Variants in CACNA2D1 observed in about 807,000 individuals in gnomAD.
CACNA2D1 encodes calcium voltage-gated channel auxiliary subunit alpha2delta 1.
CACNA2D1 carries 53 observed loss-of-function variants against 171.5 expected under a neutral mutation model. That is an observed-to-expected ratio of 0.31 (90% CI 0.25 to 0.39). The LOEUF (loss-of-function observed/expected upper bound fraction) is 0.39, where lower values mean the gene tolerates loss of function less well. Ranked by LOEUF, CACNA2D1 falls within the 10% of genes least tolerant of loss-of-function variation. The probability of loss-of-function intolerance (pLI) is 1.00; values close to 1 mark genes in which losing one functional copy is unlikely to be tolerated. For synonymous variants in CACNA2D1, 442 were observed against 443.1 expected (o/e 1.00, Z 0.03); for missense variants, 903 against 1,299.8 (o/e 0.69, Z 4.69).
In CACNA2D1 at chr7:82,125,946, T is replaced by C. The variant is rs567159064; in HGVS notation, c.397-8773A>G. Reference sequence around the variant, plus strand: ...CATTCAGATACACAAACACGCTCCATTTGATGCTAAGATCACTTCCACTTA... The same window carrying C: ...CATTCAGATACACAAACACGCTCCACTTGATGCTAAGATCACTTCCACTTA... On this transcript the variant is annotated intron_variant, in intron 5 of 38. Coordinates refer to ENST00000356860, the MANE Select transcript of CACNA2D1 (RefSeq NM_000722.4). Among the ~76,000 whole-genome samples, 118 of 152,304 alleles carry C rather than the reference T, an allele frequency of 7.7e-4. 1 individual carries two copies. Among genetic ancestry groups the C allele is most frequent in the African/African-American group, 2.7e-3 (114 of 41,562 alleles).
At chr7:82,288,422 TACAC>T (rs3054677) in intron 3 of CACNA2D1, among the ~76,000 whole-genome samples, 14,444 of 146,974 alleles carry the variant, frequency 0.098, 967 homozygotes, top group African/African-American at 0.2. Flanking sequence ...TTTGCTTCTA[TACAC>T]ACACACACAC....
chr7:82,117,214 T>G (rs759811238), intron 5 of CACNA2D1, 41 bp from the exon 6 acceptor site: 136 of 1,596,112 alleles, frequency 8.5e-5, no homozygotes, highest in Non-Finnish European at 1.1e-4. Flanking sequence ...CAATTTTTGC[T>G]AACATAAATA....
intron 3 of CACNA2D1, among the ~76,000 whole-genome samples, chr7:82,172,734 G>A (rs75713915): frequency 0.065 from 9,207 of 140,698 alleles, 606 homozygotes; most frequent in African/African-American, 0.17. Flanking sequence ...CATCCTGCCC[G>A]GCCAAAGACA....
chr7:82,160,077 TG>T (rs1794790126), intron 4 of CACNA2D1, among the ~76,000 whole-genome samples: 1 of 151,712 alleles, frequency 6.6e-6, no homozygotes, highest in Non-Finnish European at 1.5e-5. Flanking sequence ...CGGAAACCAG[TG>T]GGAAAAAAAT....
At chr7:82,443,317 C>A in intron 1 of CACNA2D1, 48 bp downstream of exon 1, 2 of 1,560,726 alleles carry the variant, frequency 1.3e-6, no homozygotes, top group Non-Finnish European at 1.7e-6. Context: ...ACCCCCAACT[C>A]CCGCGGCGCC....
intron 9 of CACNA2D1, among the ~76,000 whole-genome samples, chr7:82,061,908 C>T (rs182806204): frequency 6.6e-6 from 1 of 152,176 alleles, no homozygotes; most frequent in East Asian, 1.9e-4. Context: ...GCTAGAAATG[C>T]AAAAGCCTGA....
Position 82,326,097 on chromosome 7 carries a change from G to A in CACNA2D1, c.294+9038C>T, listed in dbSNP as rs112412899. ...ACCCTAAGCTTCTGGGAGAGGTTCC[G>A]GTCACCCAACACTCTGAACTGGGAT... On this transcript the variant is annotated intron_variant, in intron 3 of 38. Transcript: ENST00000356860. 6.6e-3 allele frequency among the ~76,000 whole-genome samples: 1,011 copies of A among 152,158 alleles called. 13 individuals carry two copies. Among genetic ancestry groups the A allele is most frequent in the South Asian group, 0.053 (255 of 4,810 alleles).
chr7:82,437,991 A>G (rs1214531322), intron 1 of CACNA2D1, among the ~76,000 whole-genome samples: 1 of 152,208 alleles, frequency 6.6e-6, no homozygotes, highest in African/African-American at 2.4e-5. Context: ...AGGTGCCAAC[A>G]TTTCAAATGG....
intron 10 of CACNA2D1, among the ~76,000 whole-genome samples, chr7:82,046,341 A>G (rs1804554302): frequency 6.6e-6 from 1 of 152,196 alleles, no homozygotes; most frequent in South Asian, 2.1e-4. Flanking sequence ...AAATATCTTC[A>G]CTAATGACAC....
rs528479402 is a variant in CACNA2D1, at chr7:82,373,466, A to T, written c.96-23817T>A. ...CAACCTTTATAATTCATTTTTAAGA[A>T]CTTAATTTTCTGTGCTGTCAATTCC... On this transcript the variant is annotated intron_variant, in intron 1 of 38. Transcript: ENST00000356860. 2.0e-5 allele frequency among the ~76,000 whole-genome samples: 3 copies of T among 152,284 alleles called. No homozygotes were observed. In the South Asian group the frequency reaches 6.2e-4, roughly 32 times the overall value.
chr7:82,166,327 C>T (rs1288999534), intron 4 of CACNA2D1, among the ~76,000 whole-genome samples: 1 of 151,958 alleles, frequency 6.6e-6, no homozygotes, highest in East Asian at 1.9e-4. Flanking sequence ...GAAGCTGAAG[C>T]TAAAAGGGAC....
rs1170588976 is a variant in CACNA2D1 at position 81,970,820 on chromosome 7, G to A, written c.2142-83C>T. ...TTAGGTGTTGGTGATACAAAGAGAA[G>A]TAAGTTTAGGAAGTAAAGGAAATAT... On this transcript the variant is annotated intron_variant, in intron 26 of 38. Transcript: ENST00000356860. The A allele has an allele frequency of 4.9e-6, 4 of 810,484 alleles. No homozygotes were observed. The African/African-American group carries it at 5.0e-5, about 10-fold the overall frequency. The allele number at this position is 810,484 out of a possible 1,614,324, so 50.2% of individuals were successfully genotyped here.
At chr7:82,338,224 C>G (rs1053463390) in intron 2 of CACNA2D1, among the ~76,000 whole-genome samples, 1 of 151,930 alleles carries the variant, frequency 6.6e-6, no homozygotes, top group African/African-American at 2.4e-5. Flanking sequence ...AACAAAATTC[C>G]TAAAGAAACC....
intron 1 of CACNA2D1, among the ~76,000 whole-genome samples, chr7:82,366,909 T>TTTTTTTTTTTTTTTTTTTTG (rs1821799825): frequency 7.3e-6 from 1 of 137,924 alleles, no homozygotes; most frequent in Non-Finnish European, 1.6e-5. Flanking sequence ...TGACCTTTTT[T>TTTTTTTTTTTTTTTTTTTTG]TTTTTTTTTT....
intron 6 of CACNA2D1, among the ~76,000 whole-genome samples, chr7:82,099,913 C>A (rs982024351): frequency 1.1e-4 from 16 of 152,130 alleles, no homozygotes; most frequent in African/African-American, 3.9e-4. Context: ...GGGAGGGGAA[C>A]AACACACACT....
chr7:82,217,390 C>CACATATATATAT (rs1402573092), intron 3 of CACNA2D1, among the ~76,000 whole-genome samples: 1 of 54,448 alleles, frequency 1.8e-5, no homozygotes, highest in African/African-American at 1.3e-4. Context: ...CACACACACA[C>CACATATATATAT]ATACATATAT....
chr7:81,960,881 T>TC (rs1169495223), intron 36 of CACNA2D1, among the ~76,000 whole-genome samples: 12 of 152,172 alleles, frequency 7.9e-5, no homozygotes. Flanking sequence ...CTGCTTTTTT[T>TC]CTGAGTTCAT....
chr7:82,204,179 G>A (rs1002614772), intron 3 of CACNA2D1, among the ~76,000 whole-genome samples: 8 of 152,190 alleles, frequency 5.3e-5, no homozygotes, highest in African/African-American at 1.9e-4. Flanking sequence ...ACACCATATG[G>A]TTTGATACCA....
chr7:82,080,546 T>C (rs1196499385), intron 7 of CACNA2D1, among the ~76,000 whole-genome samples: 3 of 152,212 alleles, frequency 2.0e-5, no homozygotes, highest in Non-Finnish European at 4.4e-5. Context: ...CAGTTAACTT[T>C]GAATTTCAAT....
Sources: gnomAD v4.1 joint callset for allele counts (sites outside exome capture counted in the v4.1 genomes callset) on GRCh38, gnomAD v4.1.1 for gene constraint, MANE v1.5 for transcripts, NCBI Gene and HGNC (gene_info 2026-07-23, HGNC 2026-07-21) for gene names.